Variants in KCNIP4 observed in about 807,000 individuals in gnomAD.
The protein encoded by KCNIP4 is potassium voltage-gated channel interacting protein 4.
KCNIP4 carries 12 observed loss-of-function variants against 34.0 expected under a neutral mutation model. The ratio of observed to expected loss-of-function variants is 0.35; its 90% CI spans 0.23 to 0.57. The LOEUF is 0.57. Ranked by LOEUF, KCNIP4 falls within the 20% of genes least tolerant of loss-of-function variation. KCNIP4 has a pLI of 0.83. For synonymous variants in KCNIP4, 124 were observed against 102.2 expected (o/e 1.21, Z -1.29); for missense variants, 238 against 311.7 (o/e 0.76, Z 1.78).
chr4:20,890,889 T>C (rs1725848145), intron 1 of KCNIP4, among the ~76,000 whole-genome samples: 1 of 152,174 alleles, frequency 6.6e-6, no homozygotes, highest in Non-Finnish European at 1.5e-5. Flanking sequence ...ATTTTTCTGG[T>C]CATGCAGACC....
rs189137365 is a variant in KCNIP4 at position 20,811,472 on chromosome 4, C to T, written c.288+39071G>A. Among the ~76,000 whole-genome samples the T allele has an allele frequency of 2.3e-4, 35 of 149,472 alleles. No homozygotes were observed. The East Asian group carries it at 4.8e-3, about 21-fold the overall frequency. On this transcript the variant is annotated intron_variant, in intron 3 of 8. Transcript: ENST00000382152. ...CAGATGATTCTGATGCACATAGATG[C>T]ATTCTGATGTGTGTGTGCATGTGTG...
At chr4:20,957,307 G>A (rs529191268) in intron 1 of KCNIP4, among the ~76,000 whole-genome samples, 1 of 152,188 alleles carries the variant, frequency 6.6e-6, no homozygotes, top group African/African-American at 2.4e-5. Context: ...TATTAATATA[G>A]CTTATTGAAT....
At position 21,623,299 on chromosome 4, in the gene KCNIP4, G is replaced by A. The variant is rs1415386517; in HGVS notation, c.61+325272C>T. 5.3e-5 allele frequency among the ~76,000 whole-genome samples: 8 copies of A among 152,152 alleles called. No homozygotes were observed. The South Asian group carries it at 6.2e-4, about 12-fold the overall frequency. ...TTTACCAGCTAGTGACTGGTATCAT[G>A]CTACTTGCTAGAAAAATTACTAAAC... On this transcript the variant is annotated intron_variant, in intron 1 of 8. Transcript: ENST00000382152.
At position 20,807,221 on chromosome 4, in the gene KCNIP4, T is replaced by A. The variant is rs548788139; in HGVS notation, c.288+43322A>T. On this transcript the variant is annotated intron_variant, in intron 3 of 8. Coordinates refer to ENST00000382152, the MANE Select transcript of KCNIP4 (RefSeq NM_025221.6). ...GTCATTTACACTTATACTTTGGTCATTTAGACCAAATATGTCATTTACACG... is the reference window on the plus strand; with the variant it reads ...GTCATTTACACTTATACTTTGGTCAATTAGACCAAATATGTCATTTACACG... Among the ~76,000 whole-genome samples the A allele has an allele frequency of 3.3e-5, 5 of 152,316 alleles. No homozygotes were observed. In the South Asian group the frequency reaches 6.2e-4, roughly 19 times the overall value.
chr4:21,941,951 C>G (rs1255761022), intron 1 of KCNIP4, among the ~76,000 whole-genome samples: 1 of 152,202 alleles, frequency 6.6e-6, no homozygotes, highest in South Asian at 2.1e-4. Context: ...TCTAATGCTA[C>G]GTGCATGTGT....
At chr4:21,022,279 A>T (rs371760993) in intron 1 of KCNIP4, among the ~76,000 whole-genome samples, 3 of 152,210 alleles carry the variant, frequency 2.0e-5, no homozygotes, top group Non-Finnish European at 4.4e-5. Flanking sequence ...AAACCTCACA[A>T]TTCATAAAAT....
chr4:20,968,302 AAT>A (rs1324676158), intron 1 of KCNIP4, among the ~76,000 whole-genome samples: 1 of 152,200 alleles, frequency 6.6e-6, no homozygotes, highest in Non-Finnish European at 1.5e-5. Context: ...GATGTGGAGA[AAT>A]AGGAATGCTT....
rs966957597 is a variant in KCNIP4 at position 21,648,242 on chromosome 4, T to A, written c.61+300329A>T. Among the ~76,000 whole-genome samples the A allele has an allele frequency of 3.9e-5, 6 of 152,234 alleles. 1 individual carries two copies. Among genetic ancestry groups the A allele is most frequent in the Admixed American group, 6.5e-5 (1 of 15,286 alleles). On this transcript the variant is annotated intron_variant, in intron 1 of 8. Transcript: ENST00000382152. The stretch of plus-strand genomic sequence containing the variant: ...CATCCCTGCAAAACGAGGTAAACCA[T>A]ATAAAAATATACTCCAAAAATTCAT...
chr4:21,037,292 T>A (rs980867954), intron 1 of KCNIP4, among the ~76,000 whole-genome samples: 2 of 152,290 alleles, frequency 1.3e-5, no homozygotes, highest in Middle Eastern at 3.4e-3. Flanking sequence ...GGCCTAAACT[T>A]TCACTCACCA....
chr4:21,598,344 C>T (rs1334446410), intron 1 of KCNIP4, among the ~76,000 whole-genome samples: 7 of 152,062 alleles, frequency 4.6e-5, no homozygotes, highest in Admixed American at 3.9e-4. Context: ...TATACAAGAT[C>T]AAGGTCAGAA....
intron 1 of KCNIP4, among the ~76,000 whole-genome samples, chr4:21,867,777 A>G (rs894053782): frequency 1.3e-5 from 2 of 152,384 alleles, no homozygotes; most frequent in African/African-American, 2.4e-5. Flanking sequence ...CATATTCTAA[A>G]TAAATCTTTT....
intron 1 of KCNIP4, among the ~76,000 whole-genome samples, chr4:21,061,168 C>T (rs1743886072): frequency 6.6e-6 from 1 of 152,068 alleles, no homozygotes; most frequent in Admixed American, 6.6e-5. Context: ...TAAAGATTAA[C>T]ATTTATAATT....
At position 21,093,939 on chromosome 4, in the gene KCNIP4, A is replaced by G. The variant is rs182057810; in HGVS notation, c.62-211230T>C. On this transcript the variant is annotated intron_variant, in intron 1 of 8. Coordinates refer to ENST00000382152, the MANE Select transcript of KCNIP4 (RefSeq NM_025221.6). ...CTACTAAAAATACAAAAAATTAGCCAGGCGTGGTGGCGGGCGCCTGTAGTC... is the reference window on the plus strand; with the variant it reads ...CTACTAAAAATACAAAAAATTAGCCGGGCGTGGTGGCGGGCGCCTGTAGTC... Among the ~76,000 whole-genome samples, 92 of 152,064 alleles carry G rather than the reference A, an allele frequency of 6.1e-4. 1 individual carries two copies. The highest frequency in any genetic ancestry group is 3.4e-3 in the Middle Eastern group (1 of 294).
At chr4:21,050,633 TATGGCATA>T (rs1742843940) in intron 1 of KCNIP4, among the ~76,000 whole-genome samples, 1 of 152,338 alleles carries the variant, frequency 6.6e-6, no homozygotes, top group Non-Finnish European at 1.5e-5. Flanking sequence ...AATATGGCAT[TATGGCATA>T]AGGCAAATAT....
chr4:21,054,997 A>G (rs1743278612), intron 1 of KCNIP4, among the ~76,000 whole-genome samples: 2 of 152,176 alleles, frequency 1.3e-5, no homozygotes, highest in Non-Finnish European at 2.9e-5. Context: ...ACTGCAAGAA[A>G]ATATTTGTAA....
chr4:21,188,918 T>C (rs1755438803), intron 1 of KCNIP4, among the ~76,000 whole-genome samples: 1 of 152,196 alleles, frequency 6.6e-6, no homozygotes, highest in Non-Finnish European at 1.5e-5. Flanking sequence ...CAAAAAAGTT[T>C]GGAAAGGCAG....
intron 1 of KCNIP4, among the ~76,000 whole-genome samples, chr4:21,484,373 G>T (rs1287484576): frequency 6.6e-6 from 1 of 152,024 alleles, no homozygotes; most frequent in Non-Finnish European, 1.5e-5. Context: ...GTTGCAGTGA[G>T]GCGAGATCAC....
At chr4:21,737,030 A>G (rs1420303899) in intron 1 of KCNIP4, among the ~76,000 whole-genome samples, 1 of 109,148 alleles carries the variant, frequency 9.2e-6, no homozygotes, top group Non-Finnish European at 2.5e-5. Context: ...TAATAAAAAA[A>G]AGAAAGTAAG....
At chr4:21,305,456 A>G (rs559100307) in intron 1 of KCNIP4, among the ~76,000 whole-genome samples, 18 of 152,300 alleles carry the variant, frequency 1.2e-4, no homozygotes, top group Non-Finnish European at 2.5e-4. Context: ...CTCAATCACT[A>G]CCACCTCGGG....
Sources: allele counts gnomAD v4.1 joint callset (sites outside exome capture counted in the v4.1 genomes callset), GRCh38; gene constraint gnomAD v4.1.1; transcripts MANE v1.5; gene names NCBI Gene and HGNC (gene_info 2026-07-23, HGNC 2026-07-21).